DLGAP1: variants seen among roughly 807,000 people sequenced by gnomAD.
DLGAP1 encodes the protein disks large-associated protein 1.
DLGAP1 carries 11 observed loss-of-function variants against 90.8 expected under a neutral mutation model. The observed-to-expected ratio is 0.12, with a 90% CI of 0.08 to 0.20. The LOEUF is 0.20. Ranked by LOEUF, DLGAP1 falls within the 10% of genes least tolerant of loss-of-function variation. The pLI, the probability that DLGAP1 is intolerant of heterozygous loss-of-function variation, is 1.00. For missense variants in DLGAP1, 1,050 were observed against 1,333.8 expected (o/e 0.79, Z 3.31); for synonymous variants, 558 against 540.7 (o/e 1.03, Z -0.44).
intron 1 of DLGAP1, among the ~76,000 whole-genome samples, chr18:4,181,103 C>T (rs1402636): frequency 6.6e-6 from 1 of 151,948 alleles, no homozygotes; most frequent in South Asian, 2.1e-4. Flanking sequence ...AGGTGATTTA[C>T]GTCTAGGATT....
intron 4 of DLGAP1, chr18:3,845,348 C>A: frequency 1.9e-6 from 3 of 1,545,818 alleles, no homozygotes; most frequent in South Asian, 2.4e-5. Flanking sequence ...TATGATTTGC[C>A]GATTCTAAGT....
At chr18:3,807,548 G>T (rs1316337029) in intron 5 of DLGAP1, among the ~76,000 whole-genome samples, 1 of 152,066 alleles carries the variant, frequency 6.6e-6, no homozygotes, top group African/African-American at 2.4e-5. Flanking sequence ...ACTCAGTCAG[G>T]CACTTAGAAC....
At chr18:3,637,898 T>C (rs2058775277) in intron 7 of DLGAP1, among the ~76,000 whole-genome samples, 1 of 151,660 alleles carries the variant, frequency 6.6e-6, no homozygotes, top group African/African-American at 2.4e-5. Flanking sequence ...TTCATAACTC[T>C]ATGGTTTGTT....
intron 7 of DLGAP1, among the ~76,000 whole-genome samples, chr18:3,619,954 C>T (rs2058037893): frequency 1.3e-5 from 2 of 151,574 alleles, no homozygotes; most frequent in South Asian, 4.2e-4. Context: ...GTAGCCGGAA[C>T]TATAGGTGCA....
intron 12 of DLGAP1, among the ~76,000 whole-genome samples, chr18:3,501,949 GAA>G (rs36071304): frequency 0.26 from 28,718 of 109,576 alleles, 3,220 homozygotes; most frequent in South Asian, 0.34. Context: ...AAACTGTTTT[GAA>G]AAAAAAAAAA....
At chr18:4,331,629 C>T (rs11872808) in intron 1 of DLGAP1, among the ~76,000 whole-genome samples, 18,990 of 151,680 alleles carry the variant, frequency 0.13, 1,518 homozygotes, top group African/African-American at 0.2. Context: ...GTAAATTCCT[C>T]CCCATGACCA....
chr18:4,353,491 C>T (rs115758645), intron 1 of DLGAP1, among the ~76,000 whole-genome samples: 1,664 of 152,264 alleles, frequency 0.011, 27 homozygotes, highest in African/African-American at 0.037. Flanking sequence ...GGCAGTTTTA[C>T]GGTCTGGCTT....
At chr18:4,131,055 C>T (rs1408483731) in intron 2 of DLGAP1, among the ~76,000 whole-genome samples, 1 of 152,048 alleles carries the variant, frequency 6.6e-6, no homozygotes, top group Admixed American at 6.6e-5. Context: ...TGATCACAAA[C>T]AGCATTACAG....
chr18:4,406,872 T>C (rs563646507), intron 1 of DLGAP1, among the ~76,000 whole-genome samples: 1 of 152,170 alleles, frequency 6.6e-6, no homozygotes, highest in Non-Finnish European at 1.5e-5. Flanking sequence ...ACTGAGACAG[T>C]GTAGTCAAAA....
At position 3,564,166 on chromosome 18, in the gene DLGAP1, G is replaced by C. The variant is rs115336385; in HGVS notation, c.2057+3324C>G. The stretch of plus-strand genomic sequence containing the variant: ...GTGGGCATGATGTACTGGGTGAAAG[G>C]AACTGTGGTAAATTGGCATTTAGTA... On this transcript the variant is annotated intron_variant, in intron 9 of 12. Coordinates refer to ENST00000315677, the MANE Select transcript of DLGAP1 (RefSeq NM_004746.4). 6.9e-3 allele frequency among the ~76,000 whole-genome samples: 1,050 copies of C among 152,312 alleles called. 9 individuals are homozygous for C. Among genetic ancestry groups the C allele is most frequent in the African/African-American group, 0.024 (1,009 of 41,560 alleles).
intron 2 of DLGAP1, among the ~76,000 whole-genome samples, chr18:4,103,095 A>T (rs1000257958): frequency 5.3e-5 from 8 of 152,216 alleles, no homozygotes; most frequent in Non-Finnish European, 4.4e-5. Flanking sequence ...TACTTGGCGG[A>T]GAAAGTGTTT....
chr18:3,794,953 G>A (rs1164418241), intron 5 of DLGAP1, among the ~76,000 whole-genome samples: 1 of 152,232 alleles, frequency 6.6e-6, no homozygotes, highest in African/African-American at 2.4e-5. Flanking sequence ...ATTCATTCCT[G>A]TGTGATGGAG....
At chr18:3,841,855 G>A (rs944581248) in intron 4 of DLGAP1, among the ~76,000 whole-genome samples, 3 of 152,040 alleles carry the variant, frequency 2.0e-5, no homozygotes, top group African/African-American at 7.3e-5. Context: ...GCTGGATCAC[G>A]GGCCACAACT....
At chr18:4,353,212 T>C (rs1366637823) in intron 1 of DLGAP1, among the ~76,000 whole-genome samples, 1 of 152,198 alleles carries the variant, frequency 6.6e-6, no homozygotes, top group Non-Finnish European at 1.5e-5. Flanking sequence ...TCCTCCTTTG[T>C]TTTGCTTTGT....
intron 1 of DLGAP1, among the ~76,000 whole-genome samples, chr18:4,350,887 T>G (rs1194898098): frequency 2.6e-5 from 4 of 152,186 alleles, no homozygotes; most frequent in African/African-American, 9.7e-5. Flanking sequence ...GTTATTATTT[T>G]ACTAGCTAAT....
intron 2 of DLGAP1, among the ~76,000 whole-genome samples, chr18:4,080,331 A>G (rs1286074197): frequency 6.6e-6 from 1 of 152,240 alleles, no homozygotes; most frequent in Non-Finnish European, 1.5e-5. Flanking sequence ...ATTAATGATA[A>G]AGTTAAATAT....
chr18:3,744,985 C>G (rs1456926054), intron 5 of DLGAP1, among the ~76,000 whole-genome samples: 1 of 152,090 alleles, frequency 6.6e-6, no homozygotes, highest in Non-Finnish European at 1.5e-5. Flanking sequence ...GGTAAATGAA[C>G]TATTTGACTA....
At chr18:4,366,699 G>A (rs894299535) in intron 1 of DLGAP1, among the ~76,000 whole-genome samples, 7 of 151,342 alleles carry the variant, frequency 4.6e-5, no homozygotes, top group African/African-American at 9.7e-5. Flanking sequence ...ACCTCCCAAC[G>A]TCCATGGAAA....
intron 1 of DLGAP1, among the ~76,000 whole-genome samples, chr18:4,336,539 A>G (rs79811382): frequency 1.3e-5 from 2 of 152,322 alleles, no homozygotes; most frequent in African/African-American, 2.4e-5. Context: ...ACATACCTAC[A>G]TAATATACTA....
Sources: gnomAD v4.1 joint callset for allele counts (sites outside exome capture counted in the v4.1 genomes callset) on GRCh38, gnomAD v4.1.1 for gene constraint, MANE v1.5 for transcripts, NCBI Gene and HGNC (gene_info 2026-07-23, HGNC 2026-07-21) for gene names.